The following KCNH1 variants were observed in gnomAD, a reference collection of about 807,000 sequenced individuals.
The protein encoded by KCNH1 is voltage-gated delayed rectifier potassium channel KCNH1.
In KCNH1, 27 loss-of-function variants were observed where a neutral mutation model predicts 69.2. That is an observed-to-expected ratio of 0.39 (90% CI 0.29 to 0.54). KCNH1 has a LOEUF of 0.54. Ranked by LOEUF, KCNH1 falls within the 20% of genes least tolerant of loss-of-function variation. KCNH1 has a pLI of 0.68. For synonymous variants in KCNH1, 456 were observed against 487.7 expected (o/e 0.93, Z 0.86); for missense variants, 798 against 1,261.6 (o/e 0.63, Z 5.57).
intron 5 of KCNH1, among the ~76,000 whole-genome samples, chr1:211,054,525 A>C (rs1690267850): frequency 6.6e-6 from 1 of 152,190 alleles, no homozygotes; most frequent in Non-Finnish European, 1.5e-5. Flanking sequence ...ATGGTAAAAT[A>C]TATATTGATA....
intron 7 of KCNH1, among the ~76,000 whole-genome samples, chr1:210,829,587 T>C (rs1685115278): frequency 6.6e-6 from 1 of 152,180 alleles, no homozygotes; most frequent in Non-Finnish European, 1.5e-5. Context: ...CCTTCCACCC[T>C]AGCATCCTTG....
intron 10 of KCNH1, among the ~76,000 whole-genome samples, chr1:210,694,739 T>G (rs1409849704): frequency 6.6e-6 from 1 of 152,222 alleles, no homozygotes; most frequent in African/African-American, 2.4e-5. Flanking sequence ...GTTTTAAGCC[T>G]CAGGTCCTTT....
At chr1:210,904,092 G>A (rs1173213141) in intron 7 of KCNH1, among the ~76,000 whole-genome samples, 1 of 152,142 alleles carries the variant, frequency 6.6e-6, no homozygotes, top group African/African-American at 2.4e-5. Flanking sequence ...TCTAAGGAAC[G>A]GTGGAATGTC....
intron 10 of KCNH1, among the ~76,000 whole-genome samples, chr1:210,771,950 G>A (rs1683761374): frequency 6.6e-6 from 1 of 152,198 alleles, no homozygotes. Flanking sequence ...AGGAAATGGA[G>A]GAAGGCAACA....
chr1:210,936,255 A>C (rs1418885053), intron 6 of KCNH1, among the ~76,000 whole-genome samples: 2 of 152,204 alleles, frequency 1.3e-5, no homozygotes, highest in Admixed American at 1.3e-4. Flanking sequence ...TTCTCCAGCT[A>C]AAGACCTCCT....
intron 10 of KCNH1, among the ~76,000 whole-genome samples, chr1:210,704,225 T>G (rs1681848035): frequency 1.3e-5 from 2 of 152,136 alleles, no homozygotes; most frequent in African/African-American, 4.8e-5. Context: ...TGAGGAGCAG[T>G]ACAATGCTCT....
intron 10 of KCNH1, among the ~76,000 whole-genome samples, chr1:210,759,782 C>T (rs567798413): frequency 6.6e-6 from 1 of 152,260 alleles, no homozygotes; most frequent in African/African-American, 2.4e-5. Flanking sequence ...AGGAAAATTT[C>T]CCCAATCTTG....
At chr1:210,911,861 G>A (rs553416767) in intron 7 of KCNH1, among the ~76,000 whole-genome samples, 4 of 152,046 alleles carry the variant, frequency 2.6e-5, no homozygotes, top group South Asian at 2.1e-4. Flanking sequence ...AAATAATAGG[G>A]ATATCTTCCA....
At position 211,002,262 on chromosome 1, in the gene KCNH1, A is replaced by T. The variant is rs1285939706; in HGVS notation, c.1032+16521T>A. ...TATATGTATACGTATATATATACACACACACACATATATATACGTATGTAT... is the reference window on the plus strand; with the variant it reads ...TATATGTATACGTATATATATACACTCACACACATATATATACGTATGTAT... On this transcript the variant is annotated intron_variant, in intron 6 of 10. Transcript: ENST00000271751. 2.0e-5 allele frequency among the ~76,000 whole-genome samples: 3 copies of T among 147,910 alleles called. No homozygotes were observed. In the South Asian group the frequency reaches 6.6e-4, roughly 32 times the overall value.
intron 10 of KCNH1, among the ~76,000 whole-genome samples, chr1:210,721,217 A>G (rs560072682): frequency 6.6e-6 from 1 of 152,220 alleles, no homozygotes; most frequent in African/African-American, 2.4e-5. Context: ...TGCACACACA[A>G]TAGGTACTTG....
intron 6 of KCNH1, among the ~76,000 whole-genome samples, chr1:210,931,666 AATTT>A (rs1391752019): frequency 6.6e-6 from 1 of 152,066 alleles, no homozygotes; most frequent in African/African-American, 2.4e-5. Context: ...AATAAAATTA[AATTT>A]AATTTAATTT....
At chr1:210,761,019 G>A (rs1233062849) in intron 10 of KCNH1, among the ~76,000 whole-genome samples, 5 of 151,852 alleles carry the variant, frequency 3.3e-5, no homozygotes, top group South Asian at 2.1e-4. Context: ...TTGGGAGGCC[G>A]AGGCGGGCGG....
intron 10 of KCNH1, among the ~76,000 whole-genome samples, chr1:210,767,162 A>G (rs561335893): frequency 6.6e-6 from 1 of 152,354 alleles, no homozygotes; most frequent in Non-Finnish European, 1.5e-5. Context: ...AAAGAATGAG[A>G]AAGTAACTTG....
intron 7 of KCNH1, among the ~76,000 whole-genome samples, chr1:210,817,034 G>C (rs1327260620): frequency 6.6e-6 from 1 of 152,144 alleles, no homozygotes; most frequent in Non-Finnish European, 1.5e-5. Context: ...AGCATTTGTT[G>C]ATTTTCCATA....
intron 10 of KCNH1, among the ~76,000 whole-genome samples, chr1:210,766,487 T>C (rs1409718942): frequency 6.6e-6 from 1 of 151,536 alleles, no homozygotes; most frequent in East Asian, 2.0e-4. Flanking sequence ...ATCATACCAT[T>C]GCACTCCAGC....
intron 5 of KCNH1, among the ~76,000 whole-genome samples, chr1:211,070,483 T>C (rs1361205396): frequency 6.8e-6 from 1 of 147,310 alleles, no homozygotes; most frequent in African/African-American, 2.5e-5. Flanking sequence ...AGTCATATCA[T>C]ATTCAAACTG....
At chr1:210,815,548 A>G (rs528205559) in intron 7 of KCNH1, among the ~76,000 whole-genome samples, 2 of 152,060 alleles carry the variant, frequency 1.3e-5, no homozygotes, top group African/African-American at 4.8e-5. Flanking sequence ...CCCACTTCTT[A>G]CTTAGCCCTT....
chr1:210,828,243 T>C (rs1288341855), intron 7 of KCNH1, among the ~76,000 whole-genome samples: 4 of 152,160 alleles, frequency 2.6e-5, no homozygotes, highest in African/African-American at 9.7e-5. Context: ...AGGAACTCAA[T>C]AAATGATAGT....
intron 3 of KCNH1, among the ~76,000 whole-genome samples, chr1:211,095,866 C>G (rs1007654098): frequency 1.3e-5 from 2 of 152,150 alleles, no homozygotes; most frequent in Admixed American, 1.3e-4. Flanking sequence ...ATTAGAACAT[C>G]TGACACTTAG....
Sources: gnomAD v4.1 joint callset for allele counts (sites outside exome capture counted in the v4.1 genomes callset) on GRCh38, gnomAD v4.1.1 for gene constraint, MANE v1.5 for transcripts, NCBI Gene and HGNC (gene_info 2026-07-23, HGNC 2026-07-21) for gene names.